The following MLF1 variants were observed in gnomAD, a reference collection of about 807,000 sequenced individuals.
The protein encoded by MLF1 is myelodysplasia-myeloid leukemia factor 1.
Under a neutral mutation model 38.3 loss-of-function variants are expected in MLF1, and 37 were observed. The ratio of observed to expected loss-of-function variants is 0.96; its 90% confidence interval spans 0.74 to 1.27. The LOEUF is 1.27. MLF1 is among the 50% of genes most tolerant of loss of function. The pLI is 0.00. For synonymous variants in MLF1, 95 were observed against 106.5 expected (o/e 0.89, Z 0.66); for missense variants, 331 against 349.2 (o/e 0.95, Z 0.42).
chr3:158,596,228 G>A (rs189352121), intron 3 of MLF1, among the ~76,000 whole-genome samples: 4 of 151,958 alleles, frequency 2.6e-5, no homozygotes, highest in African/African-American at 7.3e-5. Flanking sequence ...CTGTTTAGAG[G>A]AATTCTTAAC....
chr3:158,604,420 A>G lies in MLF1; in HGVS notation c.747-677A>G, dbSNP rs561249731. Among the ~76,000 whole-genome samples the G allele has an allele frequency of 3.0e-3, 463 of 152,324 alleles. 1 individual carries two copies. Among genetic ancestry groups the G allele is most frequent in the Non-Finnish European group, 4.3e-3 (294 of 68,032 alleles). On this transcript the variant is annotated intron_variant, in intron 7 of 7. Transcript: ENST00000466246. ...AAAATGCTATATATCTATTCTGTCC[A>G]GTGTAGTAATCACTAGCCACATGTG...
chr3:158,589,469 C>G (rs1258479119), intron 1 of MLF1, among the ~76,000 whole-genome samples: 2 of 152,022 alleles, frequency 1.3e-5, no homozygotes, highest in East Asian at 3.9e-4. Context: ...CTCGGCCTCC[C>G]AAAGTGCTGG....
chr3:158,574,324 C>A (rs1329592449), intron 1 of MLF1, among the ~76,000 whole-genome samples: 2 of 151,742 alleles, frequency 1.3e-5, no homozygotes, highest in East Asian at 1.9e-4. Context: ...GGGATATGGA[C>A]AGTGTTATTT....
intron 1 of MLF1, chr3:158,573,412 G>T (rs867062408): frequency 4.5e-5 from 6 of 133,806 alleles, no homozygotes; most frequent in Middle Eastern, 3.8e-3. Flanking sequence ...GGGGGGGGGG[G>T]GGTGTGTATT....
intron 1 of MLF1, among the ~76,000 whole-genome samples, chr3:158,581,926 T>A (rs1716430155): frequency 6.6e-6 from 1 of 152,162 alleles, no homozygotes; most frequent in Admixed American, 6.5e-5. Context: ...TCGGCTGTAA[T>A]CCCAGCACTT....
chr3:158,571,348 G>C lies in MLF1; in HGVS notation c.47+1G>C, dbSNP rs371096231. ...GTTTTGAGGATGACCCCTTCTTCTC[G>C]TGAGTTACGGGAGCCAGGAGTCCGG... is the stretch of plus-strand genomic sequence containing the variant. On this transcript the variant is annotated splice_donor_variant, in intron 1 of 7. Coordinates refer to ENST00000466246, the MANE Select transcript of MLF1 (RefSeq NM_001369783.1). LOFTEE classifies it high-confidence loss of function. 2 of 1,613,178 alleles carry C rather than the reference G, an allele frequency of 1.2e-6. No homozygotes were observed. Among genetic ancestry groups the C allele is most frequent in the Non-Finnish European group, 1.7e-6 (2 of 1,179,930 alleles).
At chr3:158,579,193 A>C (rs901906237) in intron 1 of MLF1, among the ~76,000 whole-genome samples, 5 of 152,206 alleles carry the variant, frequency 3.3e-5, no homozygotes, top group Non-Finnish European at 5.9e-5. Context: ...TATTTTCAAA[A>C]GAGAACATTA....
chr3:158,595,364 T>C (rs1196881509), intron 3 of MLF1, among the ~76,000 whole-genome samples: 2 of 152,170 alleles, frequency 1.3e-5, no homozygotes, highest in African/African-American at 4.8e-5. Flanking sequence ...CTACATTTTG[T>C]ACCCCAACTT....
chr3:158,600,259 A>G (rs1250510725), intron 6 of MLF1, 86 bp downstream of exon 6: 5 of 754,190 alleles, frequency 6.6e-6, no homozygotes, highest in Non-Finnish European at 1.9e-6. Flanking sequence ...GAAACATGTC[A>G]TAAGATGTAG....
chr3:158,582,892 T>C lies in MLF1; in HGVS notation c.48-9542T>C. On this transcript the variant is annotated intron_variant, in intron 1 of 7. Transcript: ENST00000466246. ...ATCATACAAGTCAGAAACTCTGATGTACATTAAAAAAGCAAGAGCATCAGA... is the reference window on the plus strand; with the variant it reads ...ATCATACAAGTCAGAAACTCTGATGCACATTAAAAAAGCAAGAGCATCAGA... The C allele has an allele frequency of 4.3e-6, 3 of 690,746 alleles. No homozygotes were observed. In the East Asian group the frequency reaches 8.2e-5, roughly 19 times the overall value. 42.8% of individuals were successfully genotyped at this position (690,746 alleles called of 1,614,324 possible). A position where few individuals can be genotyped will look rare whatever the true frequency, so the allele number is the denominator to read the frequency against.
chr3:158,593,356 A>ATT (rs1718440407), intron 2 of MLF1, 26 bp from the exon 3 acceptor site: 1 of 1,517,450 alleles, frequency 6.6e-7, no homozygotes, highest in South Asian at 1.2e-5. Flanking sequence ...TGTCATAATC[A>ATT]AATGAATTGG....
At chr3:158,572,282 G>A (rs1442660907) in intron 1 of MLF1, among the ~76,000 whole-genome samples, 3 of 138,532 alleles carry the variant, frequency 2.2e-5, no homozygotes, top group Non-Finnish European at 4.7e-5. Context: ...GAGGTGGGGG[G>A]ACGGTTTGGG....
chr3:158,576,225 G>T (rs1047122467), intron 1 of MLF1, among the ~76,000 whole-genome samples: 2 of 152,164 alleles, frequency 1.3e-5, no homozygotes, highest in Non-Finnish European at 2.9e-5. Flanking sequence ...TCTCAGGGCT[G>T]AAGTTATTTC....
chr3:158,592,147 A>G (rs1166638275), intron 1 of MLF1, among the ~76,000 whole-genome samples: 1 of 152,170 alleles, frequency 6.6e-6, no homozygotes, highest in Non-Finnish European at 1.5e-5. Flanking sequence ...GAAAACCAGC[A>G]TGGCTGTATG....
At position 158,596,948 on chromosome 3, in the gene MLF1, A is replaced by G. The variant is rs1310965125; in HGVS notation, c.324+3A>G. 6.4e-7 allele frequency: 1 copy of G among 1,563,660 alleles called. No homozygotes were observed. The highest frequency in any genetic ancestry group is 1.1e-5 in the South Asian group (1 of 88,668). ...TGCAGAAATTAGAAAGAAACTTCGT[A>G]AGTACTAAAAACAAAGCATTGAGAA... On this transcript the variant is annotated splice_donor_region_variant and intron_variant, in intron 4 of 7. Coordinates refer to ENST00000466246, the MANE Select transcript of MLF1 (RefSeq NM_001369783.1).
At chr3:158,595,751 A>G (rs918146679) in intron 3 of MLF1, among the ~76,000 whole-genome samples, 2 of 152,166 alleles carry the variant, frequency 1.3e-5, no homozygotes, top group Non-Finnish European at 2.9e-5. Flanking sequence ...TTACATTATT[A>G]TATCTGTAAA....
intron 1 of MLF1, among the ~76,000 whole-genome samples, chr3:158,590,097 GA>G: frequency 6.6e-6 from 1 of 152,232 alleles, no homozygotes; most frequent in African/African-American, 2.4e-5. Context: ...TTAAGAGAAT[GA>G]AAAAGGCAAG....
At chr3:158,591,252 C>T (rs1009345683) in intron 1 of MLF1, 26 of 419,124 alleles carry the variant, frequency 6.2e-5, no homozygotes, top group Non-Finnish European at 8.8e-5. Context: ...TTCTGCCTCC[C>T]GGGTTCAAGC....
intron 1 of MLF1, among the ~76,000 whole-genome samples, chr3:158,586,673 G>T (rs1023158394): frequency 2.0e-5 from 3 of 152,148 alleles, no homozygotes; most frequent in African/African-American, 7.2e-5. Flanking sequence ...ATTCCTTGGA[G>T]CTAGCACAGG....
Sources: allele counts gnomAD v4.1 joint callset (sites outside exome capture counted in the v4.1 genomes callset), GRCh38; gene constraint gnomAD v4.1.1; transcripts MANE v1.5; gene names NCBI Gene and HGNC (gene_info 2026-07-23, HGNC 2026-07-21).